VWA8: variants seen among roughly 807,000 people sequenced by gnomAD.
The protein encoded by VWA8 is von Willebrand factor A domain containing 8, also known as von Willebrand factor A domain-containing protein 8.
A neutral mutation model predicts 241.5 loss-of-function variants in VWA8; 221 were observed. That is an observed-to-expected ratio of 0.91 (90% CI 0.82 to 1.02). VWA8 has a LOEUF of 1.02. Ranked by LOEUF, VWA8 falls within the 50% of genes least tolerant of loss-of-function variation. The probability of loss-of-function intolerance (pLI) is 0.00; values close to 1 mark genes in which losing one functional copy is unlikely to be tolerated. For synonymous variants in VWA8, 852 were observed against 827.1 expected (o/e 1.03, Z -0.52); for missense variants, 2,322 against 2,328.7 (o/e 1.00, Z 0.06).
intron 15 of VWA8, among the ~76,000 whole-genome samples, 189 bp from the exon 16 acceptor site, chr13:41,816,964 C>T (rs74052030): frequency 0.065 from 9,838 of 152,180 alleles, 398 homozygotes; most frequent in East Asian, 0.12. Context: ...ACTGAAACCC[C>T]TGCTTTCTCT....
At chr13:41,604,306 G>A (rs1365030045) in intron 40 of VWA8, among the ~76,000 whole-genome samples, 1 of 151,970 alleles carries the variant, frequency 6.6e-6, no homozygotes, top group Non-Finnish European at 1.5e-5. Flanking sequence ...CTAAATAACT[G>A]CATATAGATT....
intron 40 of VWA8, among the ~76,000 whole-genome samples, chr13:41,600,273 G>C (rs929212494): frequency 6.6e-6 from 1 of 152,114 alleles, no homozygotes; most frequent in African/African-American, 2.4e-5. Context: ...ACCTGGCAAA[G>C]ACTGAGTTAG....
Position 41,912,138 on chromosome 13 carries a change from T to C in VWA8, c.272A>G (p.Gln91Arg). ...CTTCTGCATTATCCATCTTAGATGC[T>C]GAACTACAGATTGAGCCAGAGAGTC... is the stretch of plus-strand genomic sequence containing the variant. Reference protein sequence around the residue: ...ISDSLAQSVVQHLRWIMQKDL... With the variant: ...ISDSLAQSVVRHLRWIMQKDL... The change falls in exon 3 of 45, where the codon CAG (glutamine) becomes CGG (arginine). Residue 91 changes from glutamine to arginine, a missense_variant. Physicochemically the swap from Gln to Arg is conservative, Grantham distance 43 (BLOSUM62 1). Transcript: ENST00000379310. The C allele has an allele frequency of 6.2e-7, 1 of 1,606,980 alleles. No homozygotes were observed.
At chr13:41,936,887 T>C (rs1229132431) in intron 2 of VWA8, among the ~76,000 whole-genome samples, 2 of 152,136 alleles carry the variant, frequency 1.3e-5, no homozygotes, top group Admixed American at 6.5e-5. Context: ...CATAATGACG[T>C]TCCAGGCAAT....
chr13:41,789,531 A>G (rs986212706), intron 17 of VWA8, among the ~76,000 whole-genome samples: 89 of 152,354 alleles, frequency 5.8e-4, no homozygotes, highest in Middle Eastern at 3.4e-3. Context: ...AAACTAAAGA[A>G]AGATTCAGCT....
At chr13:41,738,877 G>C (rs1347701244) in intron 21 of VWA8, among the ~76,000 whole-genome samples, 2 of 152,144 alleles carry the variant, frequency 1.3e-5, no homozygotes, top group East Asian at 1.9e-4. Flanking sequence ...TGCACACACA[G>C]ATGCAACCAG....
intron 40 of VWA8, among the ~76,000 whole-genome samples, chr13:41,592,373 C>T (rs2044461239): frequency 2.0e-5 from 3 of 148,038 alleles, no homozygotes; most frequent in South Asian, 2.2e-4. Flanking sequence ...TGCTAGATGA[C>T]GAGTTAGTGG....
chr13:41,648,611 T>C (rs2044848302), intron 37 of VWA8, among the ~76,000 whole-genome samples: 1 of 152,246 alleles, frequency 6.6e-6, no homozygotes, highest in East Asian at 1.9e-4. Flanking sequence ...ACAATAGCTC[T>C]TGCTTGAAGC....
At chr13:41,608,107 C>T (rs2139658356) in intron 39 of VWA8, among the ~76,000 whole-genome samples, 1 of 152,194 alleles carries the variant, frequency 6.6e-6, no homozygotes, top group South Asian at 2.1e-4. Context: ...ATTTGGTAAG[C>T]CACCTCGAGC....
intron 23 of VWA8, among the ~76,000 whole-genome samples, chr13:41,728,066 C>G (rs2045451047): frequency 6.6e-6 from 1 of 151,996 alleles, no homozygotes. Flanking sequence ...TATTTAAACC[C>G]CACCCTTAAG....
At chr13:41,847,927 A>T (rs534287629) in intron 12 of VWA8, among the ~76,000 whole-genome samples, 1 of 152,342 alleles carries the variant, frequency 6.6e-6, no homozygotes, top group South Asian at 2.1e-4. Flanking sequence ...GAGTTCTTAA[A>T]AACTCTATAA....
At chr13:41,774,549 A>G (rs1400951960) in intron 20 of VWA8, among the ~76,000 whole-genome samples, 1 of 152,174 alleles carries the variant, frequency 6.6e-6, no homozygotes, top group Non-Finnish European at 1.5e-5. Flanking sequence ...AATAATGAAG[A>G]CTCTTTATCT....
chr13:41,774,256 C>A (rs552485171), intron 20 of VWA8, among the ~76,000 whole-genome samples: 2 of 152,318 alleles, frequency 1.3e-5, no homozygotes, highest in South Asian at 4.1e-4. Flanking sequence ...TCTCCTGTCT[C>A]AGCCTCCGAA....
intron 16 of VWA8, among the ~76,000 whole-genome samples, chr13:41,814,741 C>T (rs1393724394): frequency 6.6e-6 from 1 of 152,258 alleles, no homozygotes; most frequent in Non-Finnish European, 1.5e-5. Context: ...CATTACTAAT[C>T]TCTAACTTTG....
intron 37 of VWA8, among the ~76,000 whole-genome samples, chr13:41,657,778 C>T (rs2044919067): frequency 6.6e-6 from 1 of 152,190 alleles, no homozygotes; most frequent in Admixed American, 6.5e-5. Context: ...CGTGAGCCAC[C>T]GCGCCCGGCC....
intron 42 of VWA8, among the ~76,000 whole-genome samples, chr13:41,580,954 T>C (rs141412592): frequency 6.6e-6 from 1 of 152,332 alleles, no homozygotes; most frequent in East Asian, 1.9e-4. Context: ...CCTTGTTTTC[T>C]TCTGTCAAGG....
chr13:41,895,514 A>G (rs1875056815), intron 4 of VWA8, among the ~76,000 whole-genome samples: 1 of 152,192 alleles, frequency 6.6e-6, no homozygotes. Flanking sequence ...CATAGAGCAT[A>G]CATGGTCATA....
intron 3 of VWA8, among the ~76,000 whole-genome samples, chr13:41,908,744 T>C (rs1205576736): frequency 1.3e-5 from 2 of 152,328 alleles, no homozygotes; most frequent in African/African-American, 2.4e-5. Flanking sequence ...TATAATCATG[T>C]ACAAAAAGTT....
At chr13:41,769,605 G>A (rs1276000573) in intron 20 of VWA8, among the ~76,000 whole-genome samples, 1 of 151,934 alleles carries the variant, frequency 6.6e-6, no homozygotes, top group Non-Finnish European at 1.5e-5. Flanking sequence ...TTATATTATT[G>A]TTGTTGTTGT....
Sources: allele counts gnomAD v4.1 joint callset (sites outside exome capture counted in the v4.1 genomes callset), GRCh38; gene constraint gnomAD v4.1.1; transcripts MANE v1.5; gene names NCBI Gene and HGNC (gene_info 2026-07-23, HGNC 2026-07-21).